RFX3: variants seen among roughly 807,000 people sequenced by gnomAD.
The protein encoded by RFX3 is regulatory factor X3, also known as transcription factor RFX3.
RFX3 carries 14 observed loss-of-function variants against 98.6 expected under a neutral mutation model. The ratio of observed to expected loss-of-function variants is 0.14; its 90% confidence interval spans 0.09 to 0.22. The LOEUF (loss-of-function observed/expected upper bound fraction) is 0.22. Among genes scored for constraint, RFX3 ranks in the 10% least tolerant of loss-of-function variants. RFX3 has a pLI of 1.00. For missense variants in RFX3, 639 were observed against 926.9 expected (o/e 0.69, Z 4.03); for synonymous variants, 383 against 328.4 (o/e 1.17, Z -1.80).
At position 3,428,168 on chromosome 9, in the gene RFX3, T is replaced by C. The variant is rs571850821; in HGVS notation, c.-8-32572A>G. The stretch of plus-strand genomic sequence containing the variant: ...TTATGGCAGAAGAATCAATCCAGCA[T>C]CAAGGTATTACATCAAGGCATTACA... On this transcript the variant is annotated intron_variant, in intron 1 of 16. Coordinates refer to ENST00000617270, the MANE Select transcript of RFX3 (RefSeq NM_001282116.2). Among the ~76,000 whole-genome samples the C allele has an allele frequency of 1.6e-4, 24 of 152,286 alleles. No individual in the cohort carries two copies. In the South Asian group the frequency reaches 4.6e-3, roughly 29 times the overall value.
Position 3,441,308 on chromosome 9 carries a change from T to TGAGA in RFX3, c.-8-45716_-8-45713dup, listed in dbSNP as rs562907863. ...ATATACAAATGGACAGCTACAGAATTGAGAGAGAGAGAGAGAGAGAGAGAT... is the reference window on the plus strand; with the variant it reads ...ATATACAAATGGACAGCTACAGAATTGAGAGAGAGAGAGAGAGAGAGAGAGAGAT... On this transcript the variant is annotated intron_variant, in intron 1 of 16. Coordinates refer to ENST00000617270, the MANE Select transcript of RFX3 (RefSeq NM_001282116.2). Among the ~76,000 whole-genome samples, 792 of 147,186 alleles carry TGAGA rather than the reference T, an allele frequency of 5.4e-3. 10 individuals are homozygous for TGAGA. The highest frequency in any genetic ancestry group is 7.7e-3 in the Admixed American group (114 of 14,730).
intron 1 of RFX3, among the ~76,000 whole-genome samples, chr9:3,457,004 G>A (rs925803773): frequency 6.6e-6 from 1 of 151,870 alleles, no homozygotes; most frequent in African/African-American, 2.4e-5. Context: ...AGCTGGGTGT[G>A]GTGGTATGCA....
At chr9:3,477,010 A>G (rs1043243235) in intron 1 of RFX3, among the ~76,000 whole-genome samples, 1 of 152,192 alleles carries the variant, frequency 6.6e-6, no homozygotes, top group Non-Finnish European at 1.5e-5. Flanking sequence ...AAATGATGTA[A>G]TACATATATG....
At chr9:3,299,825 T>C (rs1286242607) in intron 5 of RFX3, among the ~76,000 whole-genome samples, 1 of 151,766 alleles carries the variant, frequency 6.6e-6, no homozygotes, top group Non-Finnish European at 1.5e-5. Flanking sequence ...ATAAGAAACA[T>C]GTTCTTATAC....
chr9:3,517,624 G>A (rs1435990118), intron 1 of RFX3, among the ~76,000 whole-genome samples: 1 of 152,170 alleles, frequency 6.6e-6, no homozygotes, highest in Non-Finnish European at 1.5e-5. Flanking sequence ...GAGAATCCAG[G>A]AATTAAAAGT....
intron 15 of RFX3, among the ~76,000 whole-genome samples, chr9:3,238,643 C>T (rs1819501530): frequency 6.6e-6 from 1 of 152,138 alleles, no homozygotes; most frequent in African/African-American, 2.4e-5. Context: ...TTTCAGCATT[C>T]CATACTTAAC....
At chr9:3,334,640 C>G (rs1407034066) in intron 3 of RFX3, among the ~76,000 whole-genome samples, 1 of 152,114 alleles carries the variant, frequency 6.6e-6, no homozygotes, top group African/African-American at 2.4e-5. Context: ...TGTGGAGAAG[C>G]CTTGGCTACT....
chr9:3,244,622 C>A (rs576817776), intron 15 of RFX3, among the ~76,000 whole-genome samples: 54 of 152,284 alleles, frequency 3.5e-4, no homozygotes, highest in African/African-American at 1.3e-3. Flanking sequence ...TTTTTCACCC[C>A]TTACCTTCAG....
intron 1 of RFX3, among the ~76,000 whole-genome samples, chr9:3,402,390 G>A (rs978093399): frequency 1.3e-5 from 2 of 152,066 alleles, no homozygotes; most frequent in African/African-American, 4.8e-5. Context: ...AGCATAGAAA[G>A]ACAAAAGGTG....
At chr9:3,397,159 C>T (rs542027611) in intron 1 of RFX3, among the ~76,000 whole-genome samples, 1 of 152,282 alleles carries the variant, frequency 6.6e-6, no homozygotes, top group East Asian at 1.9e-4. Flanking sequence ...GCCTGACCTG[C>T]CATTGTTTAC....
intron 15 of RFX3, among the ~76,000 whole-genome samples, chr9:3,233,726 G>C (rs1818780367): frequency 6.6e-6 from 1 of 152,196 alleles, no homozygotes; most frequent in Admixed American, 6.5e-5. Flanking sequence ...TGTAAGCACA[G>C]CCATCGCTTG....
At position 3,281,872 on chromosome 9, in the gene RFX3, T is replaced by A. The variant is rs184063600; in HGVS notation, c.852-4411A>T. ...CAGTCCAATGGAAGGCAAAGAATGG[T>A]ATATATTTACCATTACATTCAACTA... On this transcript the variant is annotated intron_variant, in intron 7 of 16. Coordinates refer to ENST00000617270, the MANE Select transcript of RFX3 (RefSeq NM_001282116.2). Among the ~76,000 whole-genome samples the A allele has an allele frequency of 2.0e-4, 30 of 151,872 alleles. No individual in the cohort carries two copies. In the East Asian group the frequency reaches 5.2e-3, roughly 26 times the overall value.
chr9:3,242,529 A>G (rs1429363977), intron 15 of RFX3, among the ~76,000 whole-genome samples: 2 of 152,168 alleles, frequency 1.3e-5, no homozygotes, highest in East Asian at 1.9e-4. Context: ...CACTAGCACA[A>G]TGCTTGCTAA....
chr9:3,396,051 T>A (rs991892781), intron 1 of RFX3, among the ~76,000 whole-genome samples: 1 of 152,098 alleles, frequency 6.6e-6, no homozygotes. Context: ...TTTCTTTTTT[T>A]TTTTTATACT....
chr9:3,270,275 A>G, intron 11 of RFX3, 96 bp downstream of exon 11: 1 of 1,269,870 alleles, frequency 7.9e-7, no homozygotes, highest in South Asian at 1.5e-5. Flanking sequence ...TCTAAATGAA[A>G]TTAGAATCAT....
At chr9:3,492,515 C>T (rs1222411985) in intron 1 of RFX3, among the ~76,000 whole-genome samples, 1 of 152,190 alleles carries the variant, frequency 6.6e-6, no homozygotes, top group African/African-American at 2.4e-5. Flanking sequence ...CCCAGGACCC[C>T]AAATTCCCAT....
intron 1 of RFX3, among the ~76,000 whole-genome samples, chr9:3,405,412 T>C (rs1841865877): frequency 6.6e-6 from 1 of 152,218 alleles, no homozygotes; most frequent in Non-Finnish European, 1.5e-5. Context: ...TAACTACCCA[T>C]TGAATCTCTT....
intron 1 of RFX3, among the ~76,000 whole-genome samples, chr9:3,508,041 G>C (rs998264703): frequency 2.6e-5 from 4 of 151,930 alleles, no homozygotes; most frequent in Admixed American, 1.3e-4. Context: ...CTGACGAAGA[G>C]GCAATGAGGA....
chr9:3,425,554 G>A (rs756275090), intron 1 of RFX3, among the ~76,000 whole-genome samples: 7 of 152,134 alleles, frequency 4.6e-5, no homozygotes, highest in Non-Finnish European at 7.4e-5. Context: ...GCTTCTTCCT[G>A]AATAATGTGG....
Sources: gnomAD v4.1 joint callset for allele counts (sites outside exome capture counted in the v4.1 genomes callset) on GRCh38, gnomAD v4.1.1 for gene constraint, MANE v1.5 for transcripts, NCBI Gene and HGNC (gene_info 2026-07-23, HGNC 2026-07-21) for gene names.